Variants in NSUN2 observed in about 807,000 individuals in gnomAD.
NSUN2 encodes RNA cytosine C(5)-methyltransferase NSUN2.
NSUN2 carries 63 observed loss-of-function variants against 92.7 expected under a neutral mutation model. That is an observed-to-expected ratio of 0.68 (90% CI 0.56 to 0.84). NSUN2 has a LOEUF of 0.84. NSUN2 is among the 40% of genes least tolerant of loss of function. The pLI, the probability that NSUN2 is intolerant of heterozygous loss-of-function variation, is 0.00. For missense variants in NSUN2, 989 were observed against 964.9 expected, an observed-to-expected ratio of 1.02 and a Z score of -0.33; for synonymous variants, 356 against 348.3, an observed-to-expected ratio of 1.02 and a Z score of -0.25.
rs1385164254 is a variant in NSUN2, at chr5:6,607,015, C to T, written c.1509-103G>A. On this transcript the variant is annotated intron_variant, in intron 13 of 18. Coordinates refer to ENST00000264670, the MANE Select transcript of NSUN2 (RefSeq NM_017755.6). ...TCTGTCAGTTCTGTGCAACATGGAA[C>T]GGTTTGCGGCAGATGTTGAAACCTT... 1.3e-4 allele frequency: 14 copies of T among 106,502 alleles called. 1 individual carries two copies. The highest frequency in any genetic ancestry group is 6.8e-4 in the South Asian group (6 of 8,786). The allele number at this position is 106,502 out of a possible 1,614,324, so 6.6% of individuals were successfully genotyped here.
intron 12 of NSUN2, among the ~76,000 whole-genome samples, chr5:6,609,431 G>A (rs758224915): frequency 8.5e-5 from 13 of 152,146 alleles, no homozygotes; most frequent in Non-Finnish European, 1.9e-4. Context: ...AGGTGAACCC[G>A]GGCTGGCTTG....
At chr5:6,616,445 A>G (rs1737214405) in intron 9 of NSUN2, among the ~76,000 whole-genome samples, 1 of 152,218 alleles carries the variant, frequency 6.6e-6, no homozygotes, top group Non-Finnish European at 1.5e-5. Flanking sequence ...TGAGGTCTAG[A>G]GTAGTCAAAG....
rs146557587 is a variant in NSUN2, at chr5:6,602,461, G to A, written c.1997C>T (p.Ala666Val). ...SIVLKYEPDSANPDALQCPIV... is the reference protein window; with the variant it reads ...SIVLKYEPDSVNPDALQCPIV... ...AAGGGCAGGGCGTGTACTGACTTAC[G>A]CAGAATCTGGTTCATACTTCAGCAC... The change falls in exon 18 of 19, where the codon GCG (alanine) becomes GTG (valine). Residue 666 changes from alanine to valine, a missense_variant and splice_region_variant. Ala to Val is a moderately conservative substitution (Grantham distance 64, BLOSUM62 0). This residue lies in a region of NSUN2 where 626 missense variants were observed against 602.3 expected (regional missense o/e 1.04). Coordinates refer to ENST00000264670, the MANE Select transcript of NSUN2 (RefSeq NM_017755.6). The A allele has an allele frequency of 2.0e-5, 32 of 1,613,678 alleles. No individual in the cohort carries two copies. Among genetic ancestry groups the A allele is most frequent in the South Asian group, 8.8e-5 (8 of 91,064 alleles).
At chr5:6,613,456 G>A (rs11955992) in intron 9 of NSUN2, among the ~76,000 whole-genome samples, 1 of 152,156 alleles carries the variant, frequency 6.6e-6, no homozygotes, top group Non-Finnish European at 1.5e-5. Context: ...GCCAGCCCCT[G>A]ACCAAGAACT....
chr5:6,611,653 CT>C (rs1212449471), intron 10 of NSUN2, 71 bp downstream of exon 10: 43 of 1,262,212 alleles, frequency 3.4e-5, no homozygotes, highest in Admixed American at 3.0e-4. Context: ...CACGTGAATG[CT>C]TTGAAACTTG....
intron 15 of NSUN2, chr5:6,605,034 C>G (rs1477602618): frequency 4.9e-6 from 3 of 609,578 alleles, no homozygotes; most frequent in Admixed American, 6.2e-5. Flanking sequence ...TGGCTCACCC[C>G]CCTGCGGGAA....
chr5:6,626,932 T>C (rs901064998), intron 3 of NSUN2, among the ~76,000 whole-genome samples: 7 of 152,202 alleles, frequency 4.6e-5, no homozygotes, highest in Admixed American at 2.6e-4. Flanking sequence ...ACAAACACAT[T>C]TGACTGCTTT....
chr5:6,621,253 G>C (rs1437860788), intron 6 of NSUN2: 1 of 152,100 alleles, frequency 6.6e-6, no homozygotes, highest in African/African-American at 2.4e-5. Context: ...GTCTAACACT[G>C]TAAGTAACTT....
rs1736811203 is a variant in NSUN2, at chr5:6,607,201, C to T, written c.1507G>A (p.Gly503Ser). 2 of 1,613,844 alleles carry T rather than the reference C, an allele frequency of 1.2e-6. No homozygotes were observed. Among genetic ancestry groups the T allele is most frequent in the South Asian group, 1.1e-5 (1 of 91,076 alleles). The change falls in exon 13 of 19, where the codon GGT becomes AGT. Residue 503 changes from glycine (G) to serine (S), a missense_variant and splice_region_variant. By Grantham distance (56) the Gly-to-Ser change is moderately conservative. This residue lies in a region of NSUN2 where 626 missense variants were observed against 602.3 expected (regional missense o/e 1.04). Transcript: ENST00000264670. ...TCAAGACATAACCACTTTTCTTACC[C>T]ACACACGCCATCTTTCTTACTGCCA... Reference protein sequence around the residue: ...NNGSKKDGVCGPPPSKKMKLF... With the variant: ...NNGSKKDGVCSPPPSKKMKLF...
Position 6,623,319 on chromosome 5 carries a change from GA to G in NSUN2, c.466-35del, listed in dbSNP as rs35232789. 1,788 of 1,242,870 alleles carry G rather than the reference GA, an allele frequency of 1.4e-3. 1 individual carries two copies. The highest frequency in any genetic ancestry group is 2.0e-3 in the Middle Eastern group (7 of 3,450). 77.0% of individuals were successfully genotyped at this position (1,242,870 alleles called of 1,614,324 possible). On this transcript the variant is annotated intron_variant, in intron 4 of 18. Coordinates refer to ENST00000264670, the MANE Select transcript of NSUN2 (RefSeq NM_017755.6). ...AAAAAAAAAAATCAGCAACAATTAG[GA>G]AAAAAAAAAAAACCGCAGACAATTT...
rs1428682670 is a variant in NSUN2, at chr5:6,616,797, C to G, written c.951G>C (p.Val317=). The change falls in exon 9 of 19, where the codon GTG becomes GTC. Residue 317 remains valine (V), a synonymous_variant. Transcript: ENST00000264670. The part of the protein sequence containing the change: ...AEQLAEGGRM[V]YSTCSLNPIE... ...TAGGGTTTAGTGAACACGTGGAATACACCATCCTTCCACCTTCAGCCAGCT... is the reference window on the plus strand; with the variant it reads ...TAGGGTTTAGTGAACACGTGGAATAGACCATCCTTCCACCTTCAGCCAGCT... 6.2e-7 allele frequency: 1 copy of G among 1,609,392 alleles called. No homozygotes were observed. Among genetic ancestry groups the G allele is most frequent in the Non-Finnish European group, 8.5e-7 (1 of 1,178,232 alleles).
intron 3 of NSUN2, 122 bp downstream of exon 3, chr5:6,631,748 CATT>C: frequency 1.4e-6 from 1 of 708,602 alleles, no homozygotes; most frequent in South Asian, 1.8e-5. Context: ...GGTACTAGAA[CATT>C]AGGATGTTTG....
At chr5:6,630,222 G>C (rs999211751) in intron 3 of NSUN2, among the ~76,000 whole-genome samples, 3 of 152,164 alleles carry the variant, frequency 2.0e-5, no homozygotes, top group African/African-American at 7.2e-5. Context: ...GACAATTAGT[G>C]ACCACTAACA....
intron 14 of NSUN2, among the ~76,000 whole-genome samples, chr5:6,605,686 CACT>C (rs1736737959): frequency 6.6e-6 from 1 of 151,966 alleles, no homozygotes; most frequent in Admixed American, 6.6e-5. Context: ...GACCTGATAA[CACT>C]ACTTTTGAGA....
chr5:6,601,577 G>A (rs1367607986), intron 18 of NSUN2, among the ~76,000 whole-genome samples: 2 of 147,924 alleles, frequency 1.4e-5, no homozygotes, highest in African/African-American at 5.0e-5. Context: ...TGGCCCCTCG[G>A]CCTCCCTGCC....
intron 4 of NSUN2, among the ~76,000 whole-genome samples, chr5:6,623,669 C>G (rs1737547966): frequency 6.6e-6 from 1 of 152,208 alleles, no homozygotes; most frequent in African/African-American, 2.4e-5. Context: ...CAGAAAGTGA[C>G]TGTCAAATGG....
chr5:6,619,583 T>C (rs1248998967), intron 7 of NSUN2, among the ~76,000 whole-genome samples: 1 of 152,250 alleles, frequency 6.6e-6, no homozygotes, highest in Non-Finnish European at 1.5e-5. Flanking sequence ...ATCTAAAATG[T>C]TGATGTATTA....
intron 2 of NSUN2, among the ~76,000 whole-genome samples, chr5:6,632,329 G>GT (rs941493919): frequency 6.6e-5 from 10 of 152,258 alleles, no homozygotes; most frequent in Middle Eastern, 6.8e-3. Flanking sequence ...GTTCCAAAAG[G>GT]TAAGACCCTC....
At chr5:6,601,097 C>T (rs1474449687) in intron 18 of NSUN2, among the ~76,000 whole-genome samples, 2 of 151,428 alleles carry the variant, frequency 1.3e-5, no homozygotes, top group East Asian at 3.9e-4. Context: ...TAATGTAAAG[C>T]AGGGGCACAA....
Sources: gnomAD v4.1 joint callset for allele counts (sites outside exome capture counted in the v4.1 genomes callset) on GRCh38, gnomAD v4.1.1 for gene constraint, gnomAD v4.1.1 regional missense constraint, MANE v1.5 for transcripts, NCBI Gene and HGNC (gene_info 2026-07-23, HGNC 2026-07-21) for gene names.